Variants in ST3GAL1 observed in about 807,000 individuals in gnomAD.
The protein encoded by ST3GAL1 is CMP-N-acetylneuraminate-beta-galactosamide-alpha-2,3-sialyltransferase 1.
In ST3GAL1, 16 loss-of-function variants were observed where a neutral mutation model predicts 34.1. The ratio of observed to expected loss-of-function variants is 0.47; its 90% CI spans 0.32 to 0.71. The LOEUF (loss-of-function observed/expected upper bound fraction) is 0.71, where lower values mean the gene tolerates loss of function less well. Among genes scored for constraint, ST3GAL1 ranks in the 30% least tolerant of loss-of-function variants. The probability of loss-of-function intolerance (pLI) is 0.04; values close to 1 mark genes in which losing one functional copy is unlikely to be tolerated. For missense variants in ST3GAL1, 353 were observed against 447.4 expected, an observed-to-expected ratio of 0.79 and a Z score of 1.90; for synonymous variants, 191 against 184.7, an observed-to-expected ratio of 1.03 and a Z score of -0.28.
At position 133,466,087 on chromosome 8, in the gene ST3GAL1, G is replaced by T; in HGVS notation, c.310C>A (p.Leu104Ile). The change falls in exon 6 of 10, where the codon CTC becomes ATC. Residue 104 changes from leucine (L) to isoleucine (I), a missense_variant. By Grantham distance (5) the Leu-to-Ile change is conservative. Transcript: ENST00000522652. The surrounding 1 kb of genome is among the most constrained non-coding windows in gnomAD (Gnocchi z 4.4). ...EDDTYRWWLR[L>I]QREKKPNNLN... ...TTATTGGGCTTCTTCTCCCGCTGGA[G>T]CCTCTGTGGGCGGAGGACAGAAGGT... is the stretch of plus-strand genomic sequence containing the variant. 1 of 1,610,416 alleles carries T rather than the reference G, an allele frequency of 6.2e-7. No individual in the cohort carries two copies. The highest frequency in any genetic ancestry group is 8.5e-7 in the Non-Finnish European group (1 of 1,177,286).
At chr8:133,562,209 CTTTTT>C (rs35234056) in intron 1 of ST3GAL1, among the ~76,000 whole-genome samples, 3 of 113,266 alleles carry the variant, frequency 2.6e-5, no homozygotes, top group Non-Finnish European at 1.9e-5. Context: ...GAATCCACAT[CTTTTT>C]TTTTTTTTTT....
In ST3GAL1 at chr8:133,540,924, T is replaced by TATATAGAC. The variant is rs1563734225; in HGVS notation, c.-429+4849_-429+4850insGTCTATAT. ...ATATATAGACATATATATAGACATATATATATAGACATATATAGACATATA... is the reference window on the plus strand; with the variant it reads ...ATATATAGACATATATATAGACATATATATAGACATATATAGACATATATAGACATATA... On this transcript the variant is annotated intron_variant, in intron 2 of 9. Coordinates refer to ENST00000522652, the MANE Select transcript of ST3GAL1 (RefSeq NM_173344.3). Among the ~76,000 whole-genome samples the TATATAGAC allele has an allele frequency of 2.6e-4, 20 of 75,880 alleles. 1 individual carries two copies. Among genetic ancestry groups the TATATAGAC allele is most frequent in the South Asian group, 1.1e-3 (2 of 1,896 alleles). The allele number at this position is 75,880 out of a possible 152,430, so 49.8% of individuals were successfully genotyped here.
chr8:133,486,234 C>T (rs944359889), intron 3 of ST3GAL1, among the ~76,000 whole-genome samples: 1 of 152,248 alleles, frequency 6.6e-6, no homozygotes, highest in African/African-American at 2.4e-5. Flanking sequence ...AGGTCGGCCC[C>T]TGCCCTGGGC....
Position 133,471,353 on chromosome 8 carries a change from GGTTA to G in ST3GAL1, c.306+4362_306+4365del, listed in dbSNP as rs560256931. On this transcript the variant is annotated intron_variant, in intron 5 of 9. Coordinates refer to ENST00000522652, the MANE Select transcript of ST3GAL1 (RefSeq NM_173344.3). ...GTGGGGTGGACAGGTGGGGTGGACA[GGTTA>G]GCGCCGGGACAGGCGGTGCTTAGAA... 2.4e-3 allele frequency among the ~76,000 whole-genome samples: 357 copies of G among 147,984 alleles called. 1 individual carries two copies. Among genetic ancestry groups the G allele is most frequent in the African/African-American group, 8.4e-3 (336 of 39,956 alleles).
intron 2 of ST3GAL1, among the ~76,000 whole-genome samples, chr8:133,526,265 GC>G (rs1817972405): frequency 6.6e-6 from 1 of 152,144 alleles, no homozygotes; most frequent in Admixed American, 6.5e-5. Context: ...AGACACTAGA[GC>G]CCCCACCCTC....
At chr8:133,545,123 A>T (rs1045973474) in intron 2 of ST3GAL1, among the ~76,000 whole-genome samples, 1 of 152,228 alleles carries the variant, frequency 6.6e-6, no homozygotes, top group Non-Finnish European at 1.5e-5. Flanking sequence ...GTATTATTTC[A>T]TTTTAATTAA....
At chr8:133,489,265 T>C (rs1252644967) in intron 3 of ST3GAL1, among the ~76,000 whole-genome samples, 3 of 152,152 alleles carry the variant, frequency 2.0e-5, no homozygotes, top group African/African-American at 7.2e-5. Flanking sequence ...GCCAGCACCA[T>C]GACCAGTCCA....
chr8:133,522,862 C>A (rs529870682), intron 2 of ST3GAL1, among the ~76,000 whole-genome samples: 13 of 152,278 alleles, frequency 8.5e-5, no homozygotes, highest in South Asian at 4.2e-4. Context: ...GCTCCCAACA[C>A]CCTCACCAGG....
intron 1 of ST3GAL1, among the ~76,000 whole-genome samples, chr8:133,554,705 G>GT (rs1368440051): frequency 1.3e-5 from 2 of 150,454 alleles, no homozygotes; most frequent in Non-Finnish European, 3.0e-5. Flanking sequence ...TCTACTTGGG[G>GT]TTTTTTTATT....
intron 2 of ST3GAL1, among the ~76,000 whole-genome samples, chr8:133,522,605 G>A (rs1272515347): frequency 2.0e-5 from 3 of 152,128 alleles, no homozygotes; most frequent in African/African-American, 4.8e-5. Context: ...GTGCTGAGGC[G>A]CTGGCACAGA....
chr8:133,467,843 G>T lies in ST3GAL1; in HGVS notation c.307-1753C>A, dbSNP rs1815800771. Among the ~76,000 whole-genome samples the T allele has an allele frequency of 6.6e-6, 1 of 152,144 alleles. No individual in the cohort carries two copies. Among genetic ancestry groups the T allele is most frequent in the African/African-American group, 2.4e-5 (1 of 41,430 alleles). On this transcript the variant is annotated intron_variant, in intron 5 of 9. Transcript: ENST00000522652. This position sits in a 1 kb window ranked among gnomAD's most constrained non-coding sequence, Gnocchi z 4.2. Reference sequence around the variant, plus strand: ...GGAGGCACACAAGCAGAACCAGATTGCTCTTCCAGTTAAACCCAGGCAGCC... The same window carrying T: ...GGAGGCACACAAGCAGAACCAGATTTCTCTTCCAGTTAAACCCAGGCAGCC...
At chr8:133,482,927 A>G (rs1029267607) in intron 3 of ST3GAL1, among the ~76,000 whole-genome samples, 4 of 152,218 alleles carry the variant, frequency 2.6e-5, no homozygotes, top group African/African-American at 9.6e-5. Context: ...CAACAACAAC[A>G]ACAAAGGCAT....
intron 1 of ST3GAL1, among the ~76,000 whole-genome samples, chr8:133,548,139 G>A (rs576508054): frequency 9.9e-5 from 15 of 152,276 alleles, no homozygotes; most frequent in South Asian, 2.1e-4. Context: ...CTATAGGAAC[G>A]AAACTCTTTC....
At chr8:133,499,850 C>T (rs560352461) in intron 2 of ST3GAL1, among the ~76,000 whole-genome samples, 73 of 152,280 alleles carry the variant, frequency 4.8e-4, no homozygotes, top group African/African-American at 1.7e-3. Context: ...CTCACCCACC[C>T]CCATCCCCAG....
In ST3GAL1 at chr8:133,476,324, C is replaced by G. The variant is rs1816176019; in HGVS notation, c.-97G>C. 3.6e-6 allele frequency: 1 copy of G among 275,802 alleles called. No homozygotes were observed. The highest frequency in any genetic ancestry group is 7.4e-5 in the South Asian group (1 of 13,466). 17.1% of individuals were successfully genotyped at this position (275,802 alleles called of 1,614,324 possible). ...CTATTCTTCTGCAATCCTTAAAGAG[C>G]TGATAATGTCTCTCGATCAAGCTTT... is the stretch of plus-strand genomic sequence containing the variant. On this transcript the variant is annotated 5_prime_UTR_variant, in exon 4 of 10. Coordinates refer to ENST00000522652, the MANE Select transcript of ST3GAL1 (RefSeq NM_173344.3).
chr8:133,518,822 C>A (rs914691076), intron 2 of ST3GAL1, among the ~76,000 whole-genome samples: 1 of 152,174 alleles, frequency 6.6e-6, no homozygotes, highest in African/African-American at 2.4e-5. Flanking sequence ...CCCCAGCTTG[C>A]AAGTAAGGAT....
intron 5 of ST3GAL1, among the ~76,000 whole-genome samples, chr8:133,468,003 A>G (rs947263962): frequency 1.3e-5 from 2 of 152,194 alleles, no homozygotes; most frequent in East Asian, 3.8e-4. Flanking sequence ...GAGAAAATGG[A>G]ACTCGTGCAT....
intron 9 of ST3GAL1, among the ~76,000 whole-genome samples, chr8:133,460,654 A>G (rs1193556496): frequency 1.3e-5 from 2 of 152,202 alleles, no homozygotes; most frequent in Non-Finnish European, 1.5e-5. Flanking sequence ...TGGAGCTTAT[A>G]GCTTCTTGGA....
rs1816167995 is a variant in ST3GAL1 at position 133,476,120 on chromosome 8, C to T, written c.-50-46G>A. 3.7e-6 allele frequency: 5 copies of T among 1,360,430 alleles called. No individual in the cohort carries two copies. In the African/African-American group the frequency reaches 4.4e-5, roughly 12 times the overall value. The allele number at this position is 1,360,430 out of a possible 1,614,324, so 84.3% of individuals were successfully genotyped here. On this transcript the variant is annotated intron_variant, in intron 4 of 9. Transcript: ENST00000522652. ...AAGAAAAATCCCAGAGGTGGAGGCT[C>T]AATCAAAAGGGATGGCAGGAATTCC...
Sources: gnomAD v4.1 joint callset for allele counts (sites outside exome capture counted in the v4.1 genomes callset) on GRCh38, gnomAD v4.1.1 for gene constraint, Gnocchi (gnomAD v3.1) non-coding constraint, MANE v1.5 for transcripts, NCBI Gene and HGNC (gene_info 2026-07-23, HGNC 2026-07-21) for gene names.